Variants in SNCAIP observed in about 807,000 individuals in gnomAD.
The protein encoded by SNCAIP is synuclein alpha interacting protein.
A neutral mutation model predicts 86.7 loss-of-function variants in SNCAIP; 43 were observed. The ratio of observed to expected loss-of-function variants is 0.50; its 90% CI spans 0.39 to 0.64. The LOEUF (loss-of-function observed/expected upper bound fraction) is 0.64, where lower values mean the gene tolerates loss of function less well. SNCAIP is among the 30% of genes least tolerant of loss of function. SNCAIP has a pLI of 0.00. For synonymous variants in SNCAIP, 417 were observed against 427.2 expected (o/e 0.98, Z 0.29); for missense variants, 981 against 1,103.1 (o/e 0.89, Z 1.57).
At chr5:122,455,372 C>G (rs1369260763) in intron 10 of SNCAIP, among the ~76,000 whole-genome samples, 1 of 152,178 alleles carries the variant, frequency 6.6e-6, no homozygotes, top group Non-Finnish European at 1.5e-5. Context: ...CTAGGCTTGC[C>G]TAATTTTGCC....
chr5:122,429,640 G>A (rs1211056911), intron 5 of SNCAIP, among the ~76,000 whole-genome samples: 1 of 152,022 alleles, frequency 6.6e-6, no homozygotes, highest in East Asian at 1.9e-4. Context: ...GTGTGTTAGT[G>A]GTTTTTCGTT....
At chr5:122,374,709 G>T (rs1580784385) in intron 1 of SNCAIP, among the ~76,000 whole-genome samples, 1 of 151,994 alleles carries the variant, frequency 6.6e-6, no homozygotes, top group African/African-American at 2.4e-5. Context: ...AATACTGAGA[G>T]TTCTAATGTA....
intron 1 of SNCAIP, among the ~76,000 whole-genome samples, chr5:122,333,127 A>C (rs993754017): frequency 6.6e-6 from 1 of 152,238 alleles, no homozygotes; most frequent in Non-Finnish European, 1.5e-5. Context: ...AAGATTAAGC[A>C]ATGTGGCACA....
chr5:122,455,875 AACTGTAGAGGATC>A (rs141310704), intron 10 of SNCAIP, among the ~76,000 whole-genome samples: 2,111 of 152,272 alleles, frequency 0.014, 51 homozygotes, highest in African/African-American at 0.047. Context: ...AGTGTGATTC[AACTGTAGAGGATC>A]ACTTGGTTTA....
chr5:122,324,352 C>CA (rs1446262625), intron 1 of SNCAIP, among the ~76,000 whole-genome samples: 4 of 152,204 alleles, frequency 2.6e-5, no homozygotes, highest in Non-Finnish European at 5.9e-5. Flanking sequence ...AGCATGCGTG[C>CA]TCATGACCTC....
chr5:122,459,682 C>T (rs1785648224), intron 10 of SNCAIP, among the ~76,000 whole-genome samples: 1 of 152,102 alleles, frequency 6.6e-6, no homozygotes, highest in African/African-American at 2.4e-5. Flanking sequence ...ACCACAGCAC[C>T]TCTTATATTA....
intron 1 of SNCAIP, among the ~76,000 whole-genome samples, chr5:122,385,594 A>G (rs1170473924): frequency 1.3e-5 from 2 of 152,138 alleles, no homozygotes; most frequent in African/African-American, 4.8e-5. Context: ...TGAAGAAAGT[A>G]AGCCCAATAT....
chr5:122,424,038 C>T (rs937883504), intron 4 of SNCAIP, among the ~76,000 whole-genome samples: 3 of 152,282 alleles, frequency 2.0e-5, no homozygotes, highest in African/African-American at 7.2e-5. Context: ...ATCTCAATGT[C>T]TTTCTTTTTG....
At chr5:122,355,890 C>T (rs1025487062) in intron 1 of SNCAIP, among the ~76,000 whole-genome samples, 10 of 152,056 alleles carry the variant, frequency 6.6e-5, no homozygotes, top group Non-Finnish European at 2.9e-5. Flanking sequence ...TTGTCAACTC[C>T]GAGGTTAAAC....
intron 6 of SNCAIP, among the ~76,000 whole-genome samples, chr5:122,433,196 T>A (rs576499974): frequency 6.6e-6 from 1 of 151,988 alleles, no homozygotes; most frequent in Non-Finnish European, 1.5e-5. Context: ...TATATACACA[T>A]GTAAAATGTT....
intron 8 of SNCAIP, among the ~76,000 whole-genome samples, chr5:122,449,549 A>T (rs1301272256): frequency 1.3e-5 from 2 of 152,216 alleles, no homozygotes; most frequent in African/African-American, 4.8e-5. Flanking sequence ...CAAACATATT[A>T]TCATTTTAAT....
chr5:122,456,528 G>A (rs7735710), intron 10 of SNCAIP, among the ~76,000 whole-genome samples: 6,314 of 152,140 alleles, frequency 0.042, 463 homozygotes, highest in African/African-American at 0.14. Context: ...GAAGACATTG[G>A]GAAGTAAAGG....
At chr5:122,362,731 AG>A (rs1333282704) in intron 1 of SNCAIP, among the ~76,000 whole-genome samples, 1 of 152,198 alleles carries the variant, frequency 6.6e-6, no homozygotes, top group Non-Finnish European at 1.5e-5. Flanking sequence ...AATGAAGCAG[AG>A]GGTCCAACTG....
intron 1 of SNCAIP, among the ~76,000 whole-genome samples, chr5:122,378,139 A>T (rs1355548734): frequency 6.8e-6 from 1 of 147,508 alleles, no homozygotes; most frequent in Non-Finnish European, 1.5e-5. Context: ...TGGTTGAACT[A>T]GTTTACAGTC....
intron 1 of SNCAIP, among the ~76,000 whole-genome samples, chr5:122,319,872 A>G (rs1373107702): frequency 6.6e-6 from 1 of 152,216 alleles, no homozygotes; most frequent in Non-Finnish European, 1.5e-5. Context: ...CGAGGTTCAG[A>G]GAGGGAACTC....
intron 1 of SNCAIP, among the ~76,000 whole-genome samples, chr5:122,384,368 TA>T (rs2152825068): frequency 6.6e-6 from 1 of 152,134 alleles, no homozygotes; most frequent in South Asian, 2.1e-4. Flanking sequence ...TAATTTGAGC[TA>T]AAAAATGTGA....
rs189080453 is a variant in SNCAIP at position 122,407,414 on chromosome 5, G to A, written c.130+3549G>A. Among the ~76,000 whole-genome samples the A allele has an allele frequency of 1.5e-4, 23 of 152,288 alleles. 1 individual carries two copies. The highest frequency in any genetic ancestry group is 1.5e-3 in the Admixed American group (23 of 15,292). The stretch of plus-strand genomic sequence containing the variant: ...TGAGGAGCAGTAGGAGATGAAGGCA[G>A]AGAGATGATCAGGGTCAGACTCCTT... On this transcript the variant is annotated intron_variant, in intron 3 of 10. Transcript: ENST00000261368.
chr5:122,402,261 A>G (rs190974715), intron 2 of SNCAIP, among the ~76,000 whole-genome samples: 103 of 152,284 alleles, frequency 6.8e-4, no homozygotes, highest in Non-Finnish European at 6.9e-4. Flanking sequence ...GGCCAGAAAC[A>G]TAAGGTACCT....
At chr5:122,400,953 C>T (rs1272116552) in intron 2 of SNCAIP, 2 of 1,525,384 alleles carry the variant, frequency 1.3e-6, no homozygotes. Context: ...TCTTCATTAA[C>T]TGCAAGCCCC....
Sources: gnomAD v4.1 joint callset for allele counts (sites outside exome capture counted in the v4.1 genomes callset) on GRCh38, gnomAD v4.1.1 for gene constraint, MANE v1.5 for transcripts, NCBI Gene and HGNC (gene_info 2026-07-23, HGNC 2026-07-21) for gene names.